Variants in SLC35F3 observed in about 807,000 individuals in gnomAD.
SLC35F3 encodes solute carrier family 35 member F3, also known as putative thiamine transporter SLC35F3.
Under a neutral mutation model 49.9 loss-of-function variants are expected in SLC35F3, and 25 were observed. The ratio of observed to expected loss-of-function variants is 0.50; its 90% confidence interval spans 0.37 to 0.70. The LOEUF (loss-of-function observed/expected upper bound fraction) is 0.70, where lower values mean the gene tolerates loss of function less well. Among genes scored for constraint, SLC35F3 ranks in the 30% least tolerant of loss-of-function variants. The pLI, the probability that SLC35F3 is intolerant of heterozygous loss-of-function variation, is 0.00. For missense variants in SLC35F3, 525 were observed against 639.8 expected, an observed-to-expected ratio of 0.82 and a Z score of 1.94; for synonymous variants, 275 against 265.4, an observed-to-expected ratio of 1.04 and a Z score of -0.35.
At chr1:234,233,134 A>G (rs537475235) in intron 3 of SLC35F3, among the ~76,000 whole-genome samples, 1 of 152,346 alleles carries the variant, frequency 6.6e-6, no homozygotes, top group East Asian at 1.9e-4. Context: ...TCTGAATAGA[A>G]GCCAAAAGCA....
intron 3 of SLC35F3, among the ~76,000 whole-genome samples, chr1:234,238,042 T>A (rs1667502334): frequency 6.6e-6 from 1 of 152,158 alleles, no homozygotes; most frequent in Admixed American, 6.5e-5. Context: ...ACCCAGAAAG[T>A]GATGAGCTAC....
At chr1:234,095,901 G>T (rs1665110272) in intron 2 of SLC35F3, among the ~76,000 whole-genome samples, 1 of 152,236 alleles carries the variant, frequency 6.6e-6, no homozygotes, top group South Asian at 2.1e-4. Context: ...GTCTCATGAA[G>T]TATTAGCTAT....
At chr1:233,951,660 T>G (rs1488387816) in intron 2 of SLC35F3, among the ~76,000 whole-genome samples, 1 of 152,160 alleles carries the variant, frequency 6.6e-6, no homozygotes, top group Non-Finnish European at 1.5e-5. Flanking sequence ...CTCTTCTGTG[T>G]CAGTTTCTCC....
chr1:233,948,046 A>G (rs1057295054), intron 2 of SLC35F3, among the ~76,000 whole-genome samples: 1 of 150,410 alleles, frequency 6.6e-6, no homozygotes, highest in Non-Finnish European at 1.5e-5. Context: ...TAAAAAAAAA[A>G]GAGGCTGGAA....
chr1:234,097,955 G>A (rs1409560085), intron 2 of SLC35F3, among the ~76,000 whole-genome samples: 2 of 152,168 alleles, frequency 1.3e-5, no homozygotes, highest in Non-Finnish European at 2.9e-5. Flanking sequence ...GGTGGAGGTG[G>A]TGACTGTGTT....
chr1:234,101,864 A>G (rs1325649262), intron 2 of SLC35F3, among the ~76,000 whole-genome samples: 1 of 152,258 alleles, frequency 6.6e-6, no homozygotes, highest in Non-Finnish European at 1.5e-5. Context: ...AGCTATCTGC[A>G]AAGTATTTTA....
intron 2 of SLC35F3, among the ~76,000 whole-genome samples, chr1:234,004,435 A>G (rs747161860): frequency 6.6e-6 from 1 of 152,186 alleles, no homozygotes; most frequent in Non-Finnish European, 1.5e-5. Context: ...TTATATCCAT[A>G]TAGATATAAA....
At chr1:233,942,867 C>G (rs760106670) in intron 2 of SLC35F3, among the ~76,000 whole-genome samples, 3 of 152,164 alleles carry the variant, frequency 2.0e-5, no homozygotes, top group African/African-American at 7.2e-5. Flanking sequence ...TTCTCCCTCT[C>G]CCCAGCCCCT....
At chr1:234,130,463 A>AC (rs1553308131) in intron 2 of SLC35F3, among the ~76,000 whole-genome samples, 5 of 132,398 alleles carry the variant, frequency 3.8e-5, no homozygotes, top group Non-Finnish European at 7.7e-5. Flanking sequence ...ACACGGTGAA[A>AC]CCCCGTCTCT....
At chr1:233,927,710 T>C (rs1200584157) in intron 2 of SLC35F3, among the ~76,000 whole-genome samples, 1 of 152,098 alleles carries the variant, frequency 6.6e-6, no homozygotes, top group Non-Finnish European at 1.5e-5. Flanking sequence ...TTATACTTAA[T>C]TTTTGTCTCC....
chr1:233,952,165 G>T (rs1248714267), intron 2 of SLC35F3, among the ~76,000 whole-genome samples: 3 of 150,834 alleles, frequency 2.0e-5, no homozygotes, highest in Non-Finnish European at 4.4e-5. Context: ...CTTCTTTCAT[G>T]AACTTGAAGA....
At chr1:233,923,019 G>C (rs1662091826) in intron 2 of SLC35F3, among the ~76,000 whole-genome samples, 1 of 152,116 alleles carries the variant, frequency 6.6e-6, no homozygotes, top group Non-Finnish European at 1.5e-5. Context: ...CCGCGTTTTG[G>C]TACCAATACC....
intron 2 of SLC35F3, among the ~76,000 whole-genome samples, chr1:234,210,686 C>T (rs990916689): frequency 6.6e-6 from 1 of 152,188 alleles, no homozygotes; most frequent in Non-Finnish European, 1.5e-5. Context: ...GACTTGGGTG[C>T]TGTTAAAGGC....
At chr1:233,981,558 G>A (rs1663184191) in intron 2 of SLC35F3, among the ~76,000 whole-genome samples, 2 of 151,918 alleles carry the variant, frequency 1.3e-5, no homozygotes, top group Non-Finnish European at 1.5e-5. Flanking sequence ...TACTGTCTAC[G>A]CATTGAAGAA....
At chr1:234,082,108 G>A (rs1044259102) in intron 2 of SLC35F3, among the ~76,000 whole-genome samples, 6 of 151,732 alleles carry the variant, frequency 4.0e-5, no homozygotes, top group African/African-American at 1.2e-4. Context: ...TGAGGTCAAA[G>A]AGGGACTGAA....
At chr1:234,209,545 A>G (rs1387071524) in intron 2 of SLC35F3, among the ~76,000 whole-genome samples, 1 of 152,178 alleles carries the variant, frequency 6.6e-6, no homozygotes, top group African/African-American at 2.4e-5. Flanking sequence ...CCATATTCAT[A>G]TGGTCAATTA....
chr1:234,060,057 A>G (rs547395679), intron 2 of SLC35F3, among the ~76,000 whole-genome samples: 159 of 152,362 alleles, frequency 1.0e-3, no homozygotes, highest in Admixed American at 2.4e-3. Flanking sequence ...ATTAACCGTC[A>G]CAGATCCCAG....
At chr1:233,955,095 C>T (rs1662674804) in intron 2 of SLC35F3, among the ~76,000 whole-genome samples, 1 of 152,064 alleles carries the variant, frequency 6.6e-6, no homozygotes, top group Admixed American at 6.5e-5. Context: ...CCACCTGCCT[C>T]AGCCTCCCTA....
chr1:234,017,715 G>GAAAA (rs35271984), intron 2 of SLC35F3, among the ~76,000 whole-genome samples: 5 of 91,766 alleles, frequency 5.4e-5, no homozygotes, highest in Admixed American at 1.3e-4. Context: ...CTTTGTCTCA[G>GAAAA]AAAAAAAAAA....
Sources: allele counts gnomAD v4.1 joint callset (sites outside exome capture counted in the v4.1 genomes callset), GRCh38; gene constraint gnomAD v4.1.1; transcripts MANE v1.5; gene names NCBI Gene and HGNC (gene_info 2026-07-23, HGNC 2026-07-21).